Variants in ATP8A2 observed in about 807,000 individuals in gnomAD.
ATP8A2 encodes the protein phospholipid-transporting ATPase IB.
A neutral mutation model predicts 165.6 loss-of-function variants in ATP8A2; 100 were observed. That is an observed-to-expected ratio of 0.60 (90% confidence interval 0.51 to 0.71). The LOEUF (loss-of-function observed/expected upper bound fraction) is 0.71. ATP8A2 is among the 30% of genes least tolerant of loss of function. The pLI, the probability that ATP8A2 is intolerant of heterozygous loss-of-function variation, is 0.00. For synonymous variants in ATP8A2, 543 were observed against 548.8 expected, an observed-to-expected ratio of 0.99 and a Z score of 0.15; for missense variants, 1,227 against 1,479.5, an observed-to-expected ratio of 0.83 and a Z score of 2.80.
At chr13:25,829,410 G>T (rs1304933391) in intron 28 of ATP8A2, among the ~76,000 whole-genome samples, 1 of 151,888 alleles carries the variant, frequency 6.6e-6, no homozygotes, top group Non-Finnish European at 1.5e-5. Context: ...ATGGATGGGG[G>T]CTCCAGGGCC....
At chr13:25,661,769 C>T (rs1292170480) in intron 24 of ATP8A2, among the ~76,000 whole-genome samples, 1 of 152,066 alleles carries the variant, frequency 6.6e-6, no homozygotes, top group South Asian at 2.1e-4. Flanking sequence ...TCAGCACATT[C>T]TTGGAGAGTG....
At chr13:25,683,719 G>A (rs2042542949) in intron 24 of ATP8A2, among the ~76,000 whole-genome samples, 1 of 149,862 alleles carries the variant, frequency 6.7e-6, no homozygotes, top group Non-Finnish European at 1.5e-5. Flanking sequence ...TGAGTCTCTA[G>A]TCATTCTTGA....
intron 2 of ATP8A2, among the ~76,000 whole-genome samples, chr13:25,499,648 T>C (rs1261694525): frequency 2.0e-5 from 3 of 152,212 alleles, no homozygotes; most frequent in Admixed American, 6.5e-5. Flanking sequence ...CATTCAGGAA[T>C]GGTGTGGCTA....
chr13:25,810,536 A>C (rs1267922320), intron 27 of ATP8A2, among the ~76,000 whole-genome samples: 9 of 151,552 alleles, frequency 5.9e-5, no homozygotes, highest in East Asian at 3.9e-4. Context: ...GAAAAAAAAA[A>C]CAAAACACTA....
chr13:25,717,969 G>T (rs1273704393), intron 25 of ATP8A2, among the ~76,000 whole-genome samples: 1 of 152,132 alleles, frequency 6.6e-6, no homozygotes, highest in Non-Finnish European at 1.5e-5. Flanking sequence ...TAAAGTCCAG[G>T]CTTATAAGGA....
At chr13:25,437,513 T>C (rs1333901338) in intron 1 of ATP8A2, among the ~76,000 whole-genome samples, 1 of 152,224 alleles carries the variant, frequency 6.6e-6, no homozygotes, top group Admixed American at 6.5e-5. Context: ...AGATCAAAGC[T>C]CTTATATAAA....
intron 33 of ATP8A2, among the ~76,000 whole-genome samples, chr13:25,951,398 A>G (rs947431231): frequency 4.6e-5 from 7 of 152,226 alleles, no homozygotes; most frequent in African/African-American, 1.7e-4. Flanking sequence ...ACAGAACTGT[A>G]CTCTGTCATT....
At chr13:25,727,635 A>G (rs570313455) in intron 25 of ATP8A2, among the ~76,000 whole-genome samples, 1 of 152,284 alleles carries the variant, frequency 6.6e-6, no homozygotes, top group African/African-American at 2.4e-5. Flanking sequence ...AAACTATAAA[A>G]TGTCCTCTAG....
chr13:26,017,799 C>T (rs1957013682), intron 36 of ATP8A2, among the ~76,000 whole-genome samples: 1 of 152,192 alleles, frequency 6.6e-6, no homozygotes, highest in Admixed American at 6.5e-5. Flanking sequence ...CAAGGGAGCT[C>T]CCCTCCAGGC....
intron 11 of ATP8A2, among the ~76,000 whole-genome samples, chr13:25,552,766 G>A (rs2038862669): frequency 6.6e-6 from 1 of 152,156 alleles, no homozygotes; most frequent in Admixed American, 6.5e-5. Context: ...GCAACCAGCA[G>A]GAAAAGTGGA....
chr13:25,533,949 A>C (rs1050313765), intron 6 of ATP8A2, among the ~76,000 whole-genome samples: 1 of 152,234 alleles, frequency 6.6e-6, no homozygotes, highest in Middle Eastern at 3.2e-3. Flanking sequence ...TAATGGACAC[A>C]AGATGTGTTG....
chr13:25,848,621 A>C (rs1244368982), intron 30 of ATP8A2, among the ~76,000 whole-genome samples: 3 of 152,252 alleles, frequency 2.0e-5, no homozygotes, highest in Non-Finnish European at 4.4e-5. Flanking sequence ...TTTATCCAGC[A>C]GAAATGGCAA....
chr13:25,740,182 G>A (rs1476630199), intron 25 of ATP8A2, among the ~76,000 whole-genome samples: 1 of 151,918 alleles, frequency 6.6e-6, no homozygotes, highest in African/African-American at 2.4e-5. Flanking sequence ...GGTGGTGGGC[G>A]CCTGTAGTCC....
chr13:25,595,547 A>G (rs1207435113), intron 24 of ATP8A2, among the ~76,000 whole-genome samples: 1 of 152,138 alleles, frequency 6.6e-6, no homozygotes, highest in African/African-American at 2.4e-5. Flanking sequence ...GCTGGCTGGA[A>G]ATGGTATAAG....
At chr13:25,957,243 A>G (rs1212881510) in intron 33 of ATP8A2, among the ~76,000 whole-genome samples, 1 of 152,246 alleles carries the variant, frequency 6.6e-6, no homozygotes, top group Non-Finnish European at 1.5e-5. Context: ...ACCAAAAGCA[A>G]TGGCAACAAA....
intron 33 of ATP8A2, among the ~76,000 whole-genome samples, chr13:25,869,872 A>C (rs1158597206): frequency 6.6e-6 from 1 of 152,186 alleles, no homozygotes; most frequent in Non-Finnish European, 1.5e-5. Flanking sequence ...GTACTCTTTC[A>C]GTTTAGCTGT....
At chr13:25,773,260 G>C (rs1467751162) in intron 26 of ATP8A2, among the ~76,000 whole-genome samples, 1 of 152,144 alleles carries the variant, frequency 6.6e-6, no homozygotes, top group Non-Finnish European at 1.5e-5. Flanking sequence ...AACTAAGAGG[G>C]AACTCAAATC....
At chr13:25,528,528 G>C (rs576227694) in intron 2 of ATP8A2, among the ~76,000 whole-genome samples, 1 of 152,250 alleles carries the variant, frequency 6.6e-6, no homozygotes, top group South Asian at 2.1e-4. Context: ...GTTTTACTCT[G>C]TTGTTCCAGG....
chr13:25,715,341 T>C (rs2043234203), intron 25 of ATP8A2, among the ~76,000 whole-genome samples: 1 of 152,204 alleles, frequency 6.6e-6, no homozygotes. Flanking sequence ...ACAGCTTTAT[T>C]GAAATATTAG....
Sources: gnomAD v4.1 joint callset for allele counts (sites outside exome capture counted in the v4.1 genomes callset) on GRCh38, gnomAD v4.1.1 for gene constraint, MANE v1.5 for transcripts, NCBI Gene and HGNC (gene_info 2026-07-23, HGNC 2026-07-21) for gene names.